ZCCHC14: variants seen among roughly 807,000 people sequenced by gnomAD.
The protein encoded by ZCCHC14 is zinc finger CCHC domain-containing protein 14.
ZCCHC14 carries 16 observed loss-of-function variants against 85.0 expected under a neutral mutation model. The ratio of observed to expected loss-of-function variants is 0.19; its 90% CI spans 0.13 to 0.29. The LOEUF (loss-of-function observed/expected upper bound fraction) is 0.29. ZCCHC14 is among the 10% of genes least tolerant of loss of function. The pLI is 1.00. For missense variants in ZCCHC14, 1,303 were observed against 1,443.5 expected (o/e 0.90, Z 1.58); for synonymous variants, 775 against 630.7 (o/e 1.23, Z -3.43).
At chr16:87,415,180 C>T in intron 9 of ZCCHC14, 96 bp downstream of exon 9, 2 of 978,982 alleles carry the variant, frequency 2.0e-6, no homozygotes, top group South Asian at 2.8e-5. Context: ...AGGAACTAAT[C>T]CAATCACTAG....
intron 1 of ZCCHC14, among the ~76,000 whole-genome samples, chr16:87,463,983 C>T (rs999813330): frequency 1.3e-5 from 2 of 152,164 alleles, no homozygotes; most frequent in Non-Finnish European, 2.9e-5. Flanking sequence ...GCACGCACAG[C>T]TGAGAGTGAG....
At chr16:87,434,236 T>C (rs77767705) in intron 2 of ZCCHC14, among the ~76,000 whole-genome samples, 2,530 of 152,300 alleles carry the variant, frequency 0.017, 25 homozygotes, top group Middle Eastern at 0.044. Flanking sequence ...AGCCCAAATA[T>C]CTGCTCAAAA....
At chr16:87,447,143 G>T (rs1454213035) in intron 2 of ZCCHC14, among the ~76,000 whole-genome samples, 1 of 152,128 alleles carries the variant, frequency 6.6e-6, no homozygotes, top group Non-Finnish European at 1.5e-5. Context: ...AGCTCTTTTG[G>T]GGCAGAGCCT....
Position 87,443,376 on chromosome 16 carries a change from A to G in ZCCHC14, c.695-10175T>C, listed in dbSNP as rs140975577. On this transcript the variant is annotated intron_variant, in intron 2 of 12. Transcript: ENST00000671377. ...TGGGCAGCTTTTTATCAATGCAGGA[A>G]TTGTCAAGTGAGCCTTTTATTTGCT... 1.2e-3 allele frequency among the ~76,000 whole-genome samples: 186 copies of G among 152,302 alleles called. 1 individual carries two copies. The highest frequency in any genetic ancestry group is 3.8e-3 in the African/African-American group (157 of 41,572).
chr16:87,478,118 T>C (rs1912104848), intron 1 of ZCCHC14, among the ~76,000 whole-genome samples: 1 of 152,236 alleles, frequency 6.6e-6, no homozygotes, highest in Non-Finnish European at 1.5e-5. Context: ...CAATACACTA[T>C]TAATGGTATG....
intron 1 of ZCCHC14, among the ~76,000 whole-genome samples, chr16:87,485,860 G>A (rs1327491043): frequency 6.6e-6 from 1 of 152,152 alleles, no homozygotes; most frequent in Non-Finnish European, 1.5e-5. Flanking sequence ...AAGAGAAAAT[G>A]GGTAAACTAA....
intron 2 of ZCCHC14, among the ~76,000 whole-genome samples, chr16:87,442,061 G>C (rs1910210937): frequency 6.6e-6 from 1 of 152,240 alleles, no homozygotes. Context: ...GAGCCCCTGG[G>C]AACTGGAAGT....
intron 10 of ZCCHC14, 93 bp from the exon 11 acceptor site, chr16:87,413,288 C>A: frequency 1.4e-6 from 2 of 1,430,058 alleles, no homozygotes; most frequent in South Asian, 3.0e-5. Flanking sequence ...GGCAGGTGCT[C>A]CTTCCAGGGA....
intron 4 of ZCCHC14, among the ~76,000 whole-genome samples, chr16:87,421,466 G>A (rs911274667): frequency 5.3e-5 from 8 of 152,136 alleles, no homozygotes; most frequent in Non-Finnish European, 5.9e-5. Flanking sequence ...GCTCCTGCCG[G>A]GGAGGGCAAG....
chr16:87,423,266 A>G (rs1200513223), intron 4 of ZCCHC14, among the ~76,000 whole-genome samples: 1 of 152,188 alleles, frequency 6.6e-6, no homozygotes, highest in Non-Finnish European at 1.5e-5. Flanking sequence ...GCTGAACCAG[A>G]TATTTGTAAA....
intron 2 of ZCCHC14, among the ~76,000 whole-genome samples, chr16:87,443,287 G>A (rs920277413): frequency 6.6e-6 from 1 of 152,184 alleles, no homozygotes; most frequent in African/African-American, 2.4e-5. Flanking sequence ...TGGGGTCACT[G>A]ATGGCTCTAC....
chr16:87,441,009 T>TG (rs1910157024), intron 2 of ZCCHC14, among the ~76,000 whole-genome samples: 1 of 151,706 alleles, frequency 6.6e-6, no homozygotes, highest in African/African-American at 2.4e-5. Context: ...ATAAAGTTTT[T>TG]TTTTTTTTTT....
chr16:87,427,431 C>A (rs755767973), intron 3 of ZCCHC14, among the ~76,000 whole-genome samples: 2 of 152,168 alleles, frequency 1.3e-5, no homozygotes, highest in Non-Finnish European at 1.5e-5. Context: ...CTTTTTGAGA[C>A]AGAGTTTTGC....
At chr16:87,428,292 G>A (rs1360623639) in intron 3 of ZCCHC14, among the ~76,000 whole-genome samples, 5 of 152,162 alleles carry the variant, frequency 3.3e-5, no homozygotes. Context: ...GCAGGGAGAA[G>A]TTACTTATTT....
intron 7 of ZCCHC14, 177 bp from the exon 8 acceptor site, chr16:87,417,919 A>G (rs1908880375): frequency 1.5e-6 from 1 of 680,954 alleles, no homozygotes; most frequent in East Asian, 2.8e-5. Flanking sequence ...TCCCTCCCCA[A>G]CCACCTTTCT....
At chr16:87,465,949 C>T (rs963273145) in intron 1 of ZCCHC14, among the ~76,000 whole-genome samples, 5 of 152,180 alleles carry the variant, frequency 3.3e-5, no homozygotes, top group East Asian at 1.9e-4. Flanking sequence ...CCACCGAGCC[C>T]GGTCTCCGCA....
chr16:87,463,904 C>A (rs1470022729), intron 1 of ZCCHC14, among the ~76,000 whole-genome samples: 1 of 152,174 alleles, frequency 6.6e-6, no homozygotes, highest in East Asian at 1.9e-4. Flanking sequence ...ACCGCAGCCT[C>A]GACCTCCTGG....
At chr16:87,435,783 G>A (rs1909893378) in intron 2 of ZCCHC14, among the ~76,000 whole-genome samples, 1 of 152,236 alleles carries the variant, frequency 6.6e-6, no homozygotes, top group African/African-American at 2.4e-5. Flanking sequence ...CTCACAGGAA[G>A]GAATTACTAT....
At chr16:87,469,109 G>C (rs1440592349) in intron 1 of ZCCHC14, among the ~76,000 whole-genome samples, 5 of 152,136 alleles carry the variant, frequency 3.3e-5, no homozygotes, top group Non-Finnish European at 5.9e-5. Flanking sequence ...TGGAGACATG[G>C]TCTATGTTGC....
Sources: allele counts gnomAD v4.1 joint callset (sites outside exome capture counted in the v4.1 genomes callset), GRCh38; gene constraint gnomAD v4.1.1; transcripts MANE v1.5; gene names NCBI Gene and HGNC (gene_info 2026-07-23, HGNC 2026-07-21).